Variants in DPYD observed in about 807,000 individuals in gnomAD.
The protein encoded by DPYD is dihydropyrimidine dehydrogenase.
DPYD carries 109 observed loss-of-function variants against 116.2 expected under a neutral mutation model. The ratio of observed to expected loss-of-function variants is 0.94; its 90% CI spans 0.80 to 1.10. The LOEUF (loss-of-function observed/expected upper bound fraction) is 1.10, where lower values mean the gene tolerates loss of function less well. Among genes scored for constraint, DPYD ranks in the 50% least tolerant of loss-of-function variants. The pLI is 0.00. For synonymous variants in DPYD, 440 were observed against 432.0 expected (o/e 1.02, Z -0.23); for missense variants, 1,302 against 1,254.5 (o/e 1.04, Z -0.57).
chr1:97,250,426 A>G (rs1342944853), intron 18 of DPYD, among the ~76,000 whole-genome samples: 1 of 152,202 alleles, frequency 6.6e-6, no homozygotes, highest in Non-Finnish European at 1.5e-5. Context: ...CTAAAAAAGT[A>G]TATGTACAAA....
At chr1:97,719,719 C>A (rs904748121) in intron 5 of DPYD, 36 of 984,768 alleles carry the variant, frequency 3.7e-5, no homozygotes, top group Non-Finnish European at 4.3e-5. Context: ...ATCAGGCACC[C>A]TAATCGGCCA....
At chr1:97,898,208 C>T (rs1673179259) in intron 1 of DPYD, among the ~76,000 whole-genome samples, 1 of 150,360 alleles carries the variant, frequency 6.7e-6, no homozygotes, top group South Asian at 2.1e-4. Flanking sequence ...TCGGACTGTT[C>T]TTTACGCAGC....
chr1:97,286,386 C>A (rs572538118), intron 18 of DPYD, among the ~76,000 whole-genome samples: 1 of 152,098 alleles, frequency 6.6e-6, no homozygotes, highest in East Asian at 1.9e-4. Context: ...GTGAATCTGA[C>A]GATTATGTGT....
At chr1:97,252,091 G>A (rs1052784942) in intron 18 of DPYD, among the ~76,000 whole-genome samples, 1 of 136,282 alleles carries the variant, frequency 7.3e-6, no homozygotes, top group Non-Finnish European at 1.7e-5. Flanking sequence ...AAATCTTTAA[G>A]GAATATTTGG....
In DPYD at chr1:97,380,068, T is replaced by C. The variant is rs115422768; in HGVS notation, c.1974+2325A>G. Among the ~76,000 whole-genome samples the C allele has an allele frequency of 2.1e-3, 324 of 152,310 alleles. 1 individual carries two copies. The highest frequency in any genetic ancestry group is 7.5e-3 in the African/African-American group (311 of 41,580). On this transcript the variant is annotated intron_variant, in intron 15 of 22. Transcript: ENST00000370192. ...CAATAAAGCTTTTTCACATTAACTT[T>C]TACTCGGGCTCTATTTTCAAGGCTG...
chr1:97,721,310 AT>A (rs1463538090), intron 5 of DPYD, among the ~76,000 whole-genome samples, 199 bp downstream of exon 5: 1 of 151,734 alleles, frequency 6.6e-6, no homozygotes, highest in Non-Finnish European at 1.5e-5. Context: ...ATTGCAACTA[AT>A]TTGACATATG....
intron 11 of DPYD, among the ~76,000 whole-genome samples, chr1:97,560,701 T>C (rs189664401): frequency 7.2e-5 from 11 of 152,098 alleles, no homozygotes; most frequent in African/African-American, 2.2e-4. Flanking sequence ...AGTAAATAAG[T>C]AAGTGAACTA....
chr1:97,825,038 CCT>C (rs981109090), intron 3 of DPYD, among the ~76,000 whole-genome samples: 5 of 152,270 alleles, frequency 3.3e-5, no homozygotes, highest in African/African-American at 1.2e-4. Flanking sequence ...CTTCACTAAT[CCT>C]CTTTTTTTCT....
chr1:97,500,386 T>G (rs940319445), intron 13 of DPYD, among the ~76,000 whole-genome samples: 1 of 152,028 alleles, frequency 6.6e-6, no homozygotes, highest in African/African-American at 2.4e-5. Flanking sequence ...AAACTTATAT[T>G]TGTATCATGT....
intron 7 of DPYD, among the ~76,000 whole-genome samples, chr1:97,689,658 A>G (rs1557884922): frequency 6.6e-6 from 1 of 152,022 alleles, no homozygotes; most frequent in African/African-American, 2.4e-5. Context: ...TAAAATATAT[A>G]TTAGTTGAGA....
intron 3 of DPYD, among the ~76,000 whole-genome samples, chr1:97,763,096 C>T (rs1665665113): frequency 6.6e-6 from 1 of 151,994 alleles, no homozygotes; most frequent in African/African-American, 2.4e-5. Context: ...TCCTAATATT[C>T]TTGACTGAGA....
intron 5 of DPYD, among the ~76,000 whole-genome samples, chr1:97,705,119 A>C (rs1454635116): frequency 2.0e-5 from 3 of 151,244 alleles, no homozygotes; most frequent in African/African-American, 4.9e-5. Flanking sequence ...ACTTGACTCC[A>C]AAGCCTGAAC....
intron 20 of DPYD, among the ~76,000 whole-genome samples, chr1:97,100,358 C>T (rs1178634708): frequency 2.0e-5 from 3 of 151,968 alleles, no homozygotes; most frequent in Non-Finnish European, 4.4e-5. Flanking sequence ...GTGGCGAGCA[C>T]ACGTCCACAT....
At chr1:97,118,634 G>A (rs1652171543) in intron 20 of DPYD, among the ~76,000 whole-genome samples, 3 of 152,144 alleles carry the variant, frequency 2.0e-5, no homozygotes, top group Non-Finnish European at 4.4e-5. Context: ...TACTCAATAA[G>A]GAGATTCAGG....
At position 97,653,296 on chromosome 1, in the gene DPYD, C is replaced by A. The variant is rs377694897; in HGVS notation, c.850+25799G>T. 2.7e-4 allele frequency among the ~76,000 whole-genome samples: 41 copies of A among 149,394 alleles called. 2 individuals carry two copies. In the East Asian group the frequency reaches 7.4e-3, roughly 27 times the overall value. Reference sequence around the variant, plus strand: ...TCATAGTCAGAATTTCAGTTTGTTTCTTTCTCCTTTTTTTTTTTTTTTTTA... The same window carrying A: ...TCATAGTCAGAATTTCAGTTTGTTTATTTCTCCTTTTTTTTTTTTTTTTTA... On this transcript the variant is annotated intron_variant, in intron 8 of 22. Transcript: ENST00000370192.
At chr1:97,760,522 G>A (rs1220446542) in intron 3 of DPYD, among the ~76,000 whole-genome samples, 1 of 152,072 alleles carries the variant, frequency 6.6e-6, no homozygotes, top group African/African-American at 2.4e-5. Context: ...GAGTAATCTA[G>A]AGATGATTTA....
intron 20 of DPYD, among the ~76,000 whole-genome samples, chr1:97,119,749 C>G (rs1422634072): frequency 6.6e-6 from 1 of 152,136 alleles, no homozygotes; most frequent in Non-Finnish European, 1.5e-5. Flanking sequence ...TTTCTGAAAA[C>G]AAAACCCTCT....
chr1:97,234,222 G>A (rs1164804962), intron 19 of DPYD, among the ~76,000 whole-genome samples: 1 of 152,066 alleles, frequency 6.6e-6, no homozygotes, highest in African/African-American at 2.4e-5. Flanking sequence ...CTAAGCCCAT[G>A]TTGAGCAACA....
intron 13 of DPYD, among the ~76,000 whole-genome samples, chr1:97,464,585 A>C (rs944192867): frequency 2.0e-5 from 3 of 152,154 alleles, no homozygotes; most frequent in African/African-American, 7.2e-5. Flanking sequence ...AGCCATGACT[A>C]AAATGGGCCA....
Sources: allele counts gnomAD v4.1 joint callset (sites outside exome capture counted in the v4.1 genomes callset), GRCh38; gene constraint gnomAD v4.1.1; transcripts MANE v1.5; gene names NCBI Gene and HGNC (gene_info 2026-07-23, HGNC 2026-07-21).